COMMD10: variants seen among roughly 807,000 people sequenced by gnomAD.
COMMD10 encodes the protein COMM domain containing 10.
Under a neutral mutation model 28.9 loss-of-function variants are expected in COMMD10, and 33 were observed. The observed-to-expected ratio is 1.14, with a 90% CI of 0.87 to 1.53. COMMD10 has a LOEUF of 1.53. Among genes scored for constraint, COMMD10 ranks in the 40% most tolerant of loss-of-function variants. COMMD10 has a pLI of 0.00. For missense variants in COMMD10, 310 were observed against 233.4 expected (o/e 1.33, Z -2.14); for synonymous variants, 110 against 81.7 (o/e 1.35, Z -1.87).
chr5:116,202,677 G>A (rs7736494), intron 5 of COMMD10, among the ~76,000 whole-genome samples: 150,512 of 151,068 alleles, frequency 1, 74,983 homozygotes, highest in Middle Eastern at 1. Context: ...GGCTGCATCA[G>A]TGTCTTCTTT....
At chr5:116,115,124 T>A (rs115799533) in intron 4 of COMMD10, among the ~76,000 whole-genome samples, 164 of 152,298 alleles carry the variant, frequency 1.1e-3, no homozygotes, top group South Asian at 3.5e-3. Flanking sequence ...TGTAGCTGCT[T>A]AGGTCTCAGG....
At chr5:116,099,118 T>G (rs924996521) in intron 4 of COMMD10, among the ~76,000 whole-genome samples, 4 of 152,174 alleles carry the variant, frequency 2.6e-5, no homozygotes, top group Admixed American at 6.5e-5. Context: ...CTGACCAGCA[T>G]CTCCTCATTT....
chr5:116,104,549 AGAT>A (rs1320379418), intron 4 of COMMD10, among the ~76,000 whole-genome samples: 13 of 152,102 alleles, frequency 8.5e-5, no homozygotes, highest in Non-Finnish European at 1.9e-4. Context: ...TTTTTGGTTG[AGAT>A]GATGGGGTTT....
At chr5:116,252,113 G>C (rs1190206666) in intron 5 of COMMD10, among the ~76,000 whole-genome samples, 4 of 148,780 alleles carry the variant, frequency 2.7e-5, no homozygotes, top group African/African-American at 1.0e-4. Context: ...AGAAGTGTCT[G>C]TTCATGTCCT....
chr5:116,113,946 G>T (rs1051197152), intron 4 of COMMD10, among the ~76,000 whole-genome samples: 1 of 150,912 alleles, frequency 6.6e-6, no homozygotes, highest in East Asian at 1.9e-4. Context: ...AGTAGACTTT[G>T]CTCCTTTATA....
At chr5:116,168,504 C>G (rs571654994) in intron 5 of COMMD10, among the ~76,000 whole-genome samples, 7 of 152,276 alleles carry the variant, frequency 4.6e-5, no homozygotes, top group Admixed American at 2.6e-4. Context: ...CTACAGAACT[C>G]TCCACCCCAA....
chr5:116,286,116 C>T lies in COMMD10; in HGVS notation c.511-5401C>T, dbSNP rs148049123. On this transcript the variant is annotated intron_variant, in intron 5 of 6. Transcript: ENST00000274458. The stretch of plus-strand genomic sequence containing the variant: ...AGGTTGTTTCTAGGAATTTATCCAT[C>T]TTGTCTTAGGTTATTCAACTTGTTA... Among the ~76,000 whole-genome samples, 3 of 151,774 alleles carry T rather than the reference C, an allele frequency of 2.0e-5. No individual in the cohort carries two copies. The East Asian group carries it at 5.8e-4, about 29-fold the overall frequency.
chr5:116,172,820 G>A (rs1295284019), intron 5 of COMMD10, among the ~76,000 whole-genome samples: 1 of 152,088 alleles, frequency 6.6e-6, no homozygotes, highest in Non-Finnish European at 1.5e-5. Flanking sequence ...TTTGGAGCTT[G>A]AATTCTTCAT....
At chr5:116,134,624 A>G (rs141220863) in intron 5 of COMMD10, among the ~76,000 whole-genome samples, 301 of 152,138 alleles carry the variant, frequency 2.0e-3, no homozygotes, top group African/African-American at 6.8e-3. Context: ...GAGAAATACA[A>G]TTTATTTATT....
chr5:116,122,779 G>C (rs1751485452), intron 4 of COMMD10, among the ~76,000 whole-genome samples: 1 of 152,110 alleles, frequency 6.6e-6, no homozygotes. Flanking sequence ...TTGGCTCTCT[G>C]TCTGTTATTG....
In COMMD10 at chr5:116,241,413, A is replaced by G. The variant is rs188915693; in HGVS notation, c.511-50104A>G. On this transcript the variant is annotated intron_variant, in intron 5 of 6. Transcript: ENST00000274458. The stretch of plus-strand genomic sequence containing the variant: ...CATATCTGTAATTTTCTGAGCCACC[A>G]TAAAATCTGCATACTCTGTACCAAA... Among the ~76,000 whole-genome samples, 205 of 152,234 alleles carry G rather than the reference A, an allele frequency of 1.3e-3. 1 individual carries two copies. The highest frequency in any genetic ancestry group is 2.5e-3 in the Non-Finnish European group (169 of 68,018).
intron 5 of COMMD10, among the ~76,000 whole-genome samples, chr5:116,259,093 C>G (rs183604452): frequency 7.2e-5 from 10 of 138,194 alleles, no homozygotes; most frequent in Admixed American, 4.4e-4. Context: ...CTGAGAGTCT[C>G]GCTTTCTCAC....
rs377070062 is a variant in COMMD10, at chr5:116,138,030, A to G, written c.510+3852A>G. Reference sequence around the variant, plus strand: ...AGCCTTTTCTGGCATTCACAGTGTTATTTGAAATAACATTCAAAATAATTT... The same window carrying G: ...AGCCTTTTCTGGCATTCACAGTGTTGTTTGAAATAACATTCAAAATAATTT... On this transcript the variant is annotated intron_variant, in intron 5 of 6. Transcript: ENST00000274458. Among the ~76,000 whole-genome samples the G allele has an allele frequency of 1.5e-4, 23 of 152,000 alleles. No individual in the cohort carries two copies. The East Asian group carries it at 4.3e-3, about 28-fold the overall frequency.
At chr5:116,215,604 T>G (rs1689759635) in intron 5 of COMMD10, among the ~76,000 whole-genome samples, 2 of 150,598 alleles carry the variant, frequency 1.3e-5, no homozygotes, top group South Asian at 4.2e-4. Flanking sequence ...AGAGAATCGC[T>G]TGATCCCGGG....
intron 5 of COMMD10, among the ~76,000 whole-genome samples, chr5:116,274,605 C>T (rs1190907741): frequency 2.6e-5 from 4 of 151,832 alleles, no homozygotes; most frequent in Non-Finnish European, 4.4e-5. Flanking sequence ...CACCAAAATA[C>T]TTTTGCCAAT....
chr5:116,258,574 T>C (rs1448232720), intron 5 of COMMD10, among the ~76,000 whole-genome samples: 1 of 151,786 alleles, frequency 6.6e-6, no homozygotes, highest in East Asian at 1.9e-4. Flanking sequence ...CTGATTAGAC[T>C]TGACATAGAG....
intron 5 of COMMD10, among the ~76,000 whole-genome samples, chr5:116,243,536 G>A (rs1019994471): frequency 3.9e-5 from 6 of 152,174 alleles, no homozygotes; most frequent in Non-Finnish European, 7.4e-5. Flanking sequence ...GTATCTTGGT[G>A]TTTAAACAAA....
At chr5:116,152,422 G>C (rs1193951148) in intron 5 of COMMD10, among the ~76,000 whole-genome samples, 1 of 152,034 alleles carries the variant, frequency 6.6e-6, no homozygotes, top group East Asian at 1.9e-4. Context: ...TAGTATGGCA[G>C]TGTGCCAACT....
intron 1 of COMMD10, among the ~76,000 whole-genome samples, chr5:116,086,546 C>T (rs1448624932): frequency 6.6e-6 from 1 of 152,062 alleles, no homozygotes; most frequent in Non-Finnish European, 1.5e-5. Context: ...GCAGCCTCCG[C>T]CTCCTGTGTT....
Sources: gnomAD v4.1 joint callset for allele counts (sites outside exome capture counted in the v4.1 genomes callset) on GRCh38, gnomAD v4.1.1 for gene constraint, MANE v1.5 for transcripts, NCBI Gene and HGNC (gene_info 2026-07-23, HGNC 2026-07-21) for gene names.